The following KNTC1 variants were observed in gnomAD, a reference collection of about 807,000 sequenced individuals.
The protein encoded by KNTC1 is kinetochore-associated protein 1.
A neutral mutation model predicts 314.4 loss-of-function variants in KNTC1; 253 were observed. The observed-to-expected ratio is 0.80, with a 90% confidence interval of 0.73 to 0.89. The LOEUF (loss-of-function observed/expected upper bound fraction) is 0.89. Ranked by LOEUF, KNTC1 falls within the 40% of genes least tolerant of loss-of-function variation. KNTC1 has a pLI of 0.00. For synonymous variants in KNTC1, 901 were observed against 901.4 expected, an observed-to-expected ratio of 1.00 and a Z score of 0.01; for missense variants, 2,475 against 2,572.9, an observed-to-expected ratio of 0.96 and a Z score of 0.82.
At chr12:122,625,728 G>A (rs961037226) in intron 63 of KNTC1, among the ~76,000 whole-genome samples, 3 of 152,042 alleles carry the variant, frequency 2.0e-5, no homozygotes, top group African/African-American at 4.8e-5. Flanking sequence ...CAAATTTTTT[G>A]TATGTAAAAT....
intron 18 of KNTC1, among the ~76,000 whole-genome samples, chr12:122,560,761 C>A (rs1963915684): frequency 6.6e-6 from 1 of 152,132 alleles, no homozygotes; most frequent in Non-Finnish European, 1.5e-5. Flanking sequence ...CATAAGTGTT[C>A]AGATTTCTCC....
Position 122,557,610 on chromosome 12 carries a change from T to A in KNTC1, c.1409T>A (p.Phe470Tyr). 6.2e-7 allele frequency: 1 copy of A among 1,613,268 alleles called. No homozygotes were observed. Among genetic ancestry groups the A allele is most frequent in the Non-Finnish European group, 8.5e-7 (1 of 1,179,602 alleles). Reference protein sequence around the residue: ...ENLHKIQDDEFVVNYCLKAQW... With the variant: ...ENLHKIQDDEYVVNYCLKAQW... Reference sequence around the variant, plus strand: ...GCATTTGTGAAACAGGATGATGAATTTGTGGTGAATTACTGCCTGAAAGCT... The same window carrying A: ...GCATTTGTGAAACAGGATGATGAATATGTGGTGAATTACTGCCTGAAAGCT... The change falls in exon 18 of 64, where the codon TTT becomes TAT. Residue 470 changes from phenylalanine (F) to tyrosine (Y), a missense_variant. Coordinates refer to ENST00000333479, the MANE Select transcript of KNTC1 (RefSeq NM_014708.6).
chr12:122,586,385 G>A (rs1172484701), intron 37 of KNTC1, among the ~76,000 whole-genome samples: 2 of 152,004 alleles, frequency 1.3e-5, no homozygotes, highest in South Asian at 2.1e-4. Flanking sequence ...CCCGGCCGAT[G>A]TTCTATTTCT....
intron 3 of KNTC1, 24 bp from the exon 4 acceptor site, chr12:122,538,315 G>C: frequency 7.6e-7 from 1 of 1,317,978 alleles, no homozygotes. Flanking sequence ...AAGGAAGCTT[G>C]TAACTTTGAT....
intron 55 of KNTC1, among the ~76,000 whole-genome samples, chr12:122,614,288 C>T (rs1269277326): frequency 6.6e-6 from 1 of 152,160 alleles, no homozygotes; most frequent in African/African-American, 2.4e-5. Flanking sequence ...AGAGAGAGCA[C>T]TTTTATAATC....
intron 27 of KNTC1, among the ~76,000 whole-genome samples, chr12:122,575,296 C>T (rs192873976): frequency 2.0e-5 from 3 of 152,036 alleles, no homozygotes; most frequent in Admixed American, 1.3e-4. Flanking sequence ...TTGTAGAGAC[C>T]GTAGAAAGCA....
chr12:122,623,873 C>T (rs1566025702), intron 62 of KNTC1, among the ~76,000 whole-genome samples: 1 of 152,120 alleles, frequency 6.6e-6, no homozygotes, highest in Non-Finnish European at 1.5e-5. Context: ...TCAAGACCAG[C>T]CTGGCCAACA....
intron 57 of KNTC1, among the ~76,000 whole-genome samples, chr12:122,616,516 C>T (rs1293161682): frequency 6.6e-5 from 10 of 152,214 alleles, no homozygotes; most frequent in Admixed American, 6.5e-4. Flanking sequence ...CTGCCTCGGC[C>T]TCCCAAAGTG....
intron 43 of KNTC1, among the ~76,000 whole-genome samples, chr12:122,596,237 C>T (rs1213589433): frequency 6.6e-6 from 1 of 151,992 alleles, no homozygotes; most frequent in Non-Finnish European, 1.5e-5. Context: ...CGCATGCCAC[C>T]ATGCCGGGTT....
intron 43 of KNTC1, among the ~76,000 whole-genome samples, chr12:122,596,241 C>G (rs537185879): frequency 8.3e-4 from 126 of 152,078 alleles, no homozygotes; most frequent in African/African-American, 3.0e-3. Context: ...TGCCACCATG[C>G]CGGGTTAATT....
intron 30 of KNTC1, 119 bp from the exon 31 acceptor site, chr12:122,577,553 C>A: frequency 9.9e-7 from 1 of 1,011,778 alleles, no homozygotes; most frequent in Non-Finnish European, 1.4e-6. Context: ...AAACATTGAA[C>A]CATAATCTGT....
intron 42 of KNTC1, among the ~76,000 whole-genome samples, chr12:122,592,224 G>C (rs1402135661): frequency 6.6e-6 from 1 of 152,210 alleles, no homozygotes; most frequent in South Asian, 2.1e-4. Flanking sequence ...CACGGGCGCT[G>C]TGCTCGCTTT....
intron 19 of KNTC1, 30 bp downstream of exon 19, chr12:122,562,004 G>T (rs767434034): frequency 6.3e-7 from 1 of 1,579,004 alleles, no homozygotes. Flanking sequence ...AGGTTAATAT[G>T]TGGGTGAATA....
rs750218882 is a variant in KNTC1, at chr12:122,604,578, T to G, written c.5116T>G (p.Ser1706Ala). The G allele has an allele frequency of 2.6e-6, 4 of 1,534,204 alleles. No homozygotes were observed. In the Admixed American group the frequency reaches 6.7e-5, roughly 26 times the overall value. Residue 1706 changes from serine to alanine, a missense_variant, in exon 49 of 64, where the codon TCT becomes GCT. Physicochemically the swap from Ser to Ala is moderately conservative, Grantham distance 99 (BLOSUM62 1). Coordinates refer to ENST00000333479, the MANE Select transcript of KNTC1 (RefSeq NM_014708.6). ...ATTTATTTTAGGTTCCTTCAAGATATCTGCTTTGAAATTCTGCCTTTATTT... is the reference window on the plus strand; with the variant it reads ...ATTTATTTTAGGTTCCTTCAAGATAGCTGCTTTGAAATTCTGCCTTTATTT... ...QDIPEGSFKI[S>A]ALKFCLYLAE...
At chr12:122,573,102 G>A in intron 25 of KNTC1, 40 bp from the exon 26 acceptor site, 2 of 1,613,568 alleles carry the variant, frequency 1.2e-6, no homozygotes, top group African/African-American at 1.3e-5. Flanking sequence ...CAAGTTATGG[G>A]TAGAGTCTGT....
At chr12:122,598,592 TG>T (rs1871385866) in intron 44 of KNTC1, among the ~76,000 whole-genome samples, 1 of 151,692 alleles carries the variant, frequency 6.6e-6, no homozygotes, top group South Asian at 2.1e-4. Context: ...GGCTCATTTT[TG>T]TATTTTTAGT....
At position 122,582,836 on chromosome 12, in the gene KNTC1, C is replaced by T. The variant is rs1245649007; in HGVS notation, c.3114C>T (p.Pro1038=). 3 of 1,612,034 alleles carry T rather than the reference C, an allele frequency of 1.9e-6. No homozygotes were observed. The African/African-American group carries it at 4.0e-5, about 21-fold the overall frequency. Residue 1038 remains proline, a synonymous_variant, in exon 34 of 64, where the codon CCC becomes CCT. Transcript: ENST00000333479. The stretch of plus-strand genomic sequence containing the variant: ...ACAAACCTGGGAGCACCCCAGAGCC[C>T]ATAGCTGCTGAGGTGAGGAGCCCAA... The part of the protein sequence containing the change: ...AKHKPGSTPE[P]IAAEVRSPSM...
chr12:122,570,018 T>C (rs544223793), intron 22 of KNTC1, among the ~76,000 whole-genome samples, 194 bp downstream of exon 22: 42 of 152,302 alleles, frequency 2.8e-4, no homozygotes, highest in African/African-American at 9.9e-4. Context: ...TAGATGGAAC[T>C]GGAGATTATT....
At chr12:122,598,421 C>CTTTTTTT (rs11395342) in intron 44 of KNTC1, among the ~76,000 whole-genome samples, 54 of 124,242 alleles carry the variant, frequency 4.3e-4, no homozygotes, top group East Asian at 6.8e-4. Context: ...TTTTTCTTTT[C>CTTTTTTT]TTTTTTTTTT....
Sources: allele counts gnomAD v4.1 joint callset (sites outside exome capture counted in the v4.1 genomes callset), GRCh38; gene constraint gnomAD v4.1.1; transcripts MANE v1.5; gene names NCBI Gene and HGNC (gene_info 2026-07-23, HGNC 2026-07-21).